GPC6: variants seen among roughly 807,000 people sequenced by gnomAD.
GPC6 encodes glypican 6, also known as glypican-6.
A neutral mutation model predicts 55.2 loss-of-function variants in GPC6; 14 were observed. The observed-to-expected ratio is 0.25, with a 90% confidence interval of 0.17 to 0.40. The LOEUF (loss-of-function observed/expected upper bound fraction) is 0.40. Ranked by LOEUF, GPC6 falls within the 10% of genes least tolerant of loss-of-function variation. The pLI is 1.00. For synonymous variants in GPC6, 278 were observed against 259.6 expected, an observed-to-expected ratio of 1.07 and a Z score of -0.68; for missense variants, 641 against 708.5, an observed-to-expected ratio of 0.90 and a Z score of 1.08.
At chr13:93,247,101 A>G (rs981221971) in intron 1 of GPC6, among the ~76,000 whole-genome samples, 1 of 152,094 alleles carries the variant, frequency 6.6e-6, no homozygotes, top group Non-Finnish European at 1.5e-5. Flanking sequence ...ACTTGCAACA[A>G]AAACCATTCT....
intron 2 of GPC6, among the ~76,000 whole-genome samples, chr13:93,731,692 A>G (rs2079731782): frequency 6.6e-6 from 1 of 152,182 alleles, no homozygotes; most frequent in African/African-American, 2.4e-5. Flanking sequence ...GTACATCTAG[A>G]TATGAGTGGA....
At chr13:93,766,473 T>C (rs1395172029) in intron 2 of GPC6, among the ~76,000 whole-genome samples, 1 of 152,048 alleles carries the variant, frequency 6.6e-6, no homozygotes, top group Non-Finnish European at 1.5e-5. Flanking sequence ...GTTAGGAGGG[T>C]AGATAATATG....
At chr13:93,509,012 G>A (rs1880840489) in intron 1 of GPC6, among the ~76,000 whole-genome samples, 1 of 152,198 alleles carries the variant, frequency 6.6e-6, no homozygotes, top group Admixed American at 6.5e-5. Flanking sequence ...ACTCCACTGG[G>A]AAGATGGAGG....
chr13:93,588,221 G>T (rs1450366560), intron 2 of GPC6, among the ~76,000 whole-genome samples: 2 of 152,184 alleles, frequency 1.3e-5, no homozygotes, highest in Admixed American at 6.6e-5. Flanking sequence ...GAGGCTACTT[G>T]AAGTATGTGT....
intron 1 of GPC6, among the ~76,000 whole-genome samples, chr13:93,328,140 C>T (rs986029684): frequency 2.0e-5 from 3 of 151,438 alleles, no homozygotes; most frequent in Admixed American, 2.0e-4. Flanking sequence ...AATTTTCTAC[C>T]TCAGGAACCT....
intron 4 of GPC6, among the ~76,000 whole-genome samples, chr13:94,189,881 C>A (rs1460822685): frequency 1.9e-4 from 29 of 151,958 alleles, no homozygotes; most frequent in Admixed American, 1.9e-3. Flanking sequence ...ATTGGCCAGG[C>A]GTGGTGGCGG....
Position 94,115,626 on chromosome 13 carries a change from G to A in GPC6, c.877+87732G>A, listed in dbSNP as rs373839175. ...GAAGAGATGTGAGGATTTTGTTTAC[G>A]TGTACACTGGTAGCTCATAGAAACC... On this transcript the variant is annotated intron_variant, in intron 4 of 8. Transcript: ENST00000377047. Among the ~76,000 whole-genome samples, 9 of 152,180 alleles carry A rather than the reference G, an allele frequency of 5.9e-5. 1 individual carries two copies. The East Asian group carries it at 9.7e-4, about 16-fold the overall frequency.
chr13:93,597,634 T>G (rs1269511651), intron 2 of GPC6, among the ~76,000 whole-genome samples: 2 of 152,140 alleles, frequency 1.3e-5, no homozygotes, highest in Non-Finnish European at 2.9e-5. Context: ...CTCCTTAGCC[T>G]CCTCAGCGTG....
At chr13:94,275,319 G>C (rs1892168770) in intron 4 of GPC6, among the ~76,000 whole-genome samples, 1 of 152,100 alleles carries the variant, frequency 6.6e-6, no homozygotes, top group African/African-American at 2.4e-5. Context: ...GGAGTTGTAG[G>C]GTTGTTAGAG....
chr13:94,343,328 A>G (rs915583882), intron 6 of GPC6, among the ~76,000 whole-genome samples: 3 of 152,202 alleles, frequency 2.0e-5, no homozygotes, highest in Admixed American at 6.5e-5. Flanking sequence ...ATTCCTTCAC[A>G]GCCATCTCTA....
intron 2 of GPC6, among the ~76,000 whole-genome samples, chr13:93,619,678 A>C (rs569931855): frequency 2.6e-5 from 4 of 152,130 alleles, no homozygotes; most frequent in Admixed American, 2.0e-4. Context: ...GGTCTAGAAC[A>C]CCTGTGTTCC....
intron 2 of GPC6, among the ~76,000 whole-genome samples, chr13:93,595,948 T>G (rs1330606752): frequency 6.6e-6 from 1 of 152,214 alleles, no homozygotes; most frequent in Non-Finnish European, 1.5e-5. Context: ...CTAAATCTAT[T>G]TTTGAATATG....
intron 3 of GPC6, among the ~76,000 whole-genome samples, chr13:93,938,619 A>C (rs1878563417): frequency 6.6e-6 from 1 of 152,234 alleles, no homozygotes; most frequent in Non-Finnish European, 1.5e-5. Context: ...CAGAAAATTG[A>C]ATGACAAAGA....
chr13:93,895,113 CCTCTAAGTCCAT>C (rs1875912685), intron 3 of GPC6, among the ~76,000 whole-genome samples: 1 of 149,650 alleles, frequency 6.7e-6, no homozygotes, highest in African/African-American at 2.5e-5. Flanking sequence ...TATATTTTCA[CCTCTAAGTCCAT>C]ATATGTCTAT....
intron 1 of GPC6, among the ~76,000 whole-genome samples, chr13:93,466,414 T>C (rs1270850059): frequency 1.3e-5 from 2 of 152,216 alleles, no homozygotes; most frequent in Non-Finnish European, 2.9e-5. Flanking sequence ...CTCTGAAACA[T>C]AGAAAATTTT....
intron 1 of GPC6, among the ~76,000 whole-genome samples, chr13:93,256,411 A>G (rs1394995987): frequency 6.6e-6 from 1 of 152,058 alleles, no homozygotes; most frequent in Non-Finnish European, 1.5e-5. Flanking sequence ...ATTTTACTTA[A>G]ATATTTTGGA....
chr13:93,592,973 TA>T (rs1403652240), intron 2 of GPC6, among the ~76,000 whole-genome samples: 4 of 152,004 alleles, frequency 2.6e-5, no homozygotes, highest in South Asian at 2.1e-4. Flanking sequence ...TAAATGATAT[TA>T]AAAAATCATT....
chr13:94,393,463 T>G (rs550537822), intron 7 of GPC6, among the ~76,000 whole-genome samples: 1 of 152,304 alleles, frequency 6.6e-6, no homozygotes, highest in East Asian at 1.9e-4. Flanking sequence ...GTAAAACTCT[T>G]AAGCCTGCTT....
intron 3 of GPC6, among the ~76,000 whole-genome samples, chr13:94,018,268 A>G (rs961625555): frequency 6.7e-6 from 1 of 149,366 alleles, no homozygotes; most frequent in Non-Finnish European, 1.5e-5. Context: ...GAGAAATCTC[A>G]TTTGGTTAGT....
Sources: allele counts gnomAD v4.1 joint callset (sites outside exome capture counted in the v4.1 genomes callset), GRCh38; gene constraint gnomAD v4.1.1; transcripts MANE v1.5; gene names NCBI Gene and HGNC (gene_info 2026-07-23, HGNC 2026-07-21).